Variants in YIPF1 observed in about 807,000 individuals in gnomAD.
The protein encoded by YIPF1 is Yip1 domain family member 1.
Under a neutral mutation model 37.0 loss-of-function variants are expected in YIPF1, and 22 were observed. The ratio of observed to expected loss-of-function variants is 0.59; its 90% CI spans 0.42 to 0.85. The LOEUF (loss-of-function observed/expected upper bound fraction) is 0.85. YIPF1 is among the 40% of genes least tolerant of loss of function. The pLI is 0.00. For synonymous variants in YIPF1, 128 were observed against 131.9 expected, an observed-to-expected ratio of 0.97 and a Z score of 0.21; for missense variants, 355 against 373.1, an observed-to-expected ratio of 0.95 and a Z score of 0.40.
chr1:53,887,640 G>A (rs1007253581), intron 3 of YIPF1, among the ~76,000 whole-genome samples: 2 of 151,334 alleles, frequency 1.3e-5, no homozygotes, highest in African/African-American at 4.9e-5. Context: ...TTTGCAAATT[G>A]AGGTGGATTT....
At chr1:53,882,183 G>A (rs115392178) in intron 4 of YIPF1, among the ~76,000 whole-genome samples, 114 of 152,232 alleles carry the variant, frequency 7.5e-4, no homozygotes, top group African/African-American at 2.6e-3. Context: ...ACACATGGGA[G>A]GGGGAGCATC....
chr1:53,879,357 G>C (rs1650424462), intron 4 of YIPF1, among the ~76,000 whole-genome samples: 1 of 152,096 alleles, frequency 6.6e-6, no homozygotes, highest in Admixed American at 6.6e-5. Flanking sequence ...GCCTCCCAAA[G>C]CACGGGGATT....
intron 3 of YIPF1, among the ~76,000 whole-genome samples, chr1:53,885,075 G>C (rs1394900413): frequency 3.3e-5 from 5 of 152,220 alleles, no homozygotes; most frequent in Non-Finnish European, 7.3e-5. Flanking sequence ...TTCAAGGTAA[G>C]ACTCTTAATA....
intron 7 of YIPF1, among the ~76,000 whole-genome samples, chr1:53,867,424 G>C (rs986996760): frequency 1.4e-5 from 2 of 141,412 alleles, no homozygotes; most frequent in Non-Finnish European, 3.0e-5. Context: ...CCAGGCTGGA[G>C]TGCAGTGGCG....
At chr1:53,859,923 A>C in intron 10 of YIPF1, 133 bp downstream of exon 10, 1 of 824,410 alleles carries the variant, frequency 1.2e-6, no homozygotes, top group East Asian at 2.8e-5. Flanking sequence ...ATGCACATGC[A>C]CAAACCCACG....
At chr1:53,879,121 G>A (rs1331559020) in intron 4 of YIPF1, among the ~76,000 whole-genome samples, 3 of 150,486 alleles carry the variant, frequency 2.0e-5, no homozygotes, top group Admixed American at 6.6e-5. Context: ...TTGAGATGGC[G>A]TCTCACTCTC....
Position 53,866,718 on chromosome 1 carries a change from G to C in YIPF1, c.648+40C>G, listed in dbSNP as rs566769307. ...TTGGTTGAAGTTTCTACCAAGAACAGAGCATCACTCAGAATCTACTCCCTA... is the reference window on the plus strand; with the variant it reads ...TTGGTTGAAGTTTCTACCAAGAACACAGCATCACTCAGAATCTACTCCCTA... On this transcript the variant is annotated intron_variant, in intron 8 of 10. Transcript: ENST00000072644. 1.5e-5 allele frequency: 24 copies of C among 1,581,018 alleles called. 1 individual carries two copies. The South Asian group carries it at 2.6e-4, about 17-fold the overall frequency.
At chr1:53,879,282 CAG>C (rs1650422547) in intron 4 of YIPF1, among the ~76,000 whole-genome samples, 1 of 151,970 alleles carries the variant, frequency 6.6e-6, no homozygotes, top group African/African-American at 2.4e-5. Context: ...TTTGTAGAGA[CAG>C]AGTCTCATTA....
At chr1:53,865,603 C>T (rs1464265184) in intron 9 of YIPF1, among the ~76,000 whole-genome samples, 1 of 151,976 alleles carries the variant, frequency 6.6e-6, no homozygotes, top group African/African-American at 2.4e-5. Flanking sequence ...CCCCCACAAC[C>T]CCCATACCAA....
At chr1:53,853,280 C>T (rs1367615973) in intron 10 of YIPF1, among the ~76,000 whole-genome samples, 4 of 152,048 alleles carry the variant, frequency 2.6e-5, no homozygotes, top group Non-Finnish European at 5.9e-5. Flanking sequence ...ACTTGCCAGG[C>T]GAGGGTGTAA....
chr1:53,861,897 C>T (rs1017760168), intron 9 of YIPF1, among the ~76,000 whole-genome samples: 1 of 152,148 alleles, frequency 6.6e-6, no homozygotes, highest in East Asian at 1.9e-4. Flanking sequence ...GCCTGTCATC[C>T]CAGCTACTCA....
At chr1:53,864,070 T>C (rs1048019275) in intron 9 of YIPF1, among the ~76,000 whole-genome samples, 48 of 152,064 alleles carry the variant, frequency 3.2e-4, no homozygotes, top group African/African-American at 1.1e-3. Flanking sequence ...ATAACCATAA[T>C]AGCTCCCTGC....
At chr1:53,877,135 G>T (rs1299924661) in intron 6 of YIPF1, among the ~76,000 whole-genome samples, 1 of 152,110 alleles carries the variant, frequency 6.6e-6, no homozygotes, top group African/African-American at 2.4e-5. Context: ...CCTGCTGTGT[G>T]CCAAGGCCTC....
intron 7 of YIPF1, among the ~76,000 whole-genome samples, chr1:53,871,012 CAAA>C (rs57949076): frequency 3.8e-3 from 245 of 65,252 alleles, no homozygotes; most frequent in African/African-American, 0.014. Flanking sequence ...GTCACTGTCT[CAAA>C]AAAAAAAAAA....
chr1:53,865,301 A>G (rs1330099544), intron 9 of YIPF1, among the ~76,000 whole-genome samples: 1 of 152,146 alleles, frequency 6.6e-6, no homozygotes, highest in Non-Finnish European at 1.5e-5. Flanking sequence ...CCCTAACTCT[A>G]TATAGTCAGC....
At chr1:53,863,801 G>T (rs754023560) in intron 9 of YIPF1, among the ~76,000 whole-genome samples, 3 of 151,942 alleles carry the variant, frequency 2.0e-5, no homozygotes, top group Non-Finnish European at 4.4e-5. Context: ...GTGCAGTGGC[G>T]CAATCTCAGT....
At chr1:53,879,563 C>A (rs1650431835) in intron 4 of YIPF1, among the ~76,000 whole-genome samples, 2 of 152,190 alleles carry the variant, frequency 1.3e-5, no homozygotes. Flanking sequence ...CATACCCATC[C>A]CAACAACACA....
intron 8 of YIPF1, 77 bp from the exon 9 acceptor site, chr1:53,866,459 C>A (rs1163120009): frequency 1.4e-6 from 2 of 1,481,094 alleles, no homozygotes; most frequent in African/African-American, 1.4e-5. Flanking sequence ...TTTACAAAGG[C>A]CCCTGAGCCA....
intron 7 of YIPF1, among the ~76,000 whole-genome samples, chr1:53,870,287 C>T (rs1650150889): frequency 1.3e-5 from 2 of 149,510 alleles, no homozygotes; most frequent in Non-Finnish European, 3.0e-5. Context: ...CCTCCCAACT[C>T]AGCCTCCTGA....
Sources: gnomAD v4.1 joint callset for allele counts (sites outside exome capture counted in the v4.1 genomes callset) on GRCh38, gnomAD v4.1.1 for gene constraint, MANE v1.5 for transcripts, NCBI Gene and HGNC (gene_info 2026-07-23, HGNC 2026-07-21) for gene names.